ARHGAP35: variants seen among roughly 807,000 people sequenced by gnomAD.
ARHGAP35 encodes the protein rho GTPase-activating protein 35.
Under a neutral mutation model 111.1 loss-of-function variants are expected in ARHGAP35, and 15 were observed. The observed-to-expected ratio is 0.13, with a 90% CI of 0.09 to 0.21. The LOEUF (loss-of-function observed/expected upper bound fraction) is 0.21, where lower values mean the gene tolerates loss of function less well. ARHGAP35 is among the 10% of genes least tolerant of loss of function. The probability of loss-of-function intolerance (pLI) is 1.00; values close to 1 mark genes in which losing one functional copy is unlikely to be tolerated. For missense variants in ARHGAP35, 1,262 were observed against 1,873.0 expected, an observed-to-expected ratio of 0.67 and a Z score of 6.02; for synonymous variants, 643 against 710.3, an observed-to-expected ratio of 0.91 and a Z score of 1.51.
chr19:46,867,564 G>A (rs1350641401), intron 1 of ARHGAP35, among the ~76,000 whole-genome samples: 2 of 152,088 alleles, frequency 1.3e-5, no homozygotes, highest in East Asian at 1.9e-4. Flanking sequence ...ATACTAGTTG[G>A]TTCCCATTCT....
rs552603793 is a variant in ARHGAP35 at position 46,961,487 on chromosome 19, G to A, written c.3826+24079G>A. On this transcript the variant is annotated intron_variant, in intron 3 of 6. Transcript: ENST00000672722. Reference sequence around the variant, plus strand: ...AAAATGGTAATATGTTAGAATTGCAGCTGCCTTACAGTCATCCAGTCCACC... The same window carrying A: ...AAAATGGTAATATGTTAGAATTGCAACTGCCTTACAGTCATCCAGTCCACC... Among the ~76,000 whole-genome samples the A allele has an allele frequency of 7.2e-5, 11 of 152,326 alleles. No homozygotes were observed. In the South Asian group the frequency reaches 2.3e-3, roughly 32 times the overall value.
chr19:46,893,381 G>C (rs898372873), intron 1 of ARHGAP35, among the ~76,000 whole-genome samples: 1 of 152,032 alleles, frequency 6.6e-6, no homozygotes, highest in Non-Finnish European at 1.5e-5. Flanking sequence ...CGTATACCAG[G>C]TACTACTCTA....
Position 46,886,620 on chromosome 19 carries a change from G to A in ARHGAP35, c.-189+25411G>A, listed in dbSNP as rs137987331. ...TCACCCTTGATTCTAGGGATCGGGC[G>A]TTACTCAAGGTTGTTGTAGATTTGG... On this transcript the variant is annotated intron_variant, in intron 1 of 6. Transcript: ENST00000672722. 5.9e-5 allele frequency among the ~76,000 whole-genome samples: 9 copies of A among 152,274 alleles called. No homozygotes were observed. The East Asian group carries it at 1.3e-3, about 23-fold the overall frequency.
chr19:46,960,287 C>G (rs1354032936), intron 3 of ARHGAP35, among the ~76,000 whole-genome samples: 1 of 152,130 alleles, frequency 6.6e-6, no homozygotes, highest in Non-Finnish European at 1.5e-5. Context: ...GTATACGTAT[C>G]ACTCTGCTAA....
intron 1 of ARHGAP35, among the ~76,000 whole-genome samples, chr19:46,892,138 A>AT (rs1432746625): frequency 6.7e-6 from 1 of 149,938 alleles, no homozygotes; most frequent in African/African-American, 2.4e-5. Context: ...AAAAAAAAAA[A>AT]AAAAAAAAAG....
Position 46,982,633 on chromosome 19 carries a change from A to G in ARHGAP35, c.3827-5356A>G, listed in dbSNP as rs79988954. Among the ~76,000 whole-genome samples, 8 of 152,248 alleles carry G rather than the reference A, an allele frequency of 5.3e-5. No homozygotes were observed. In the East Asian group the frequency reaches 1.5e-3, roughly 29 times the overall value. Reference sequence around the variant, plus strand: ...ATTTTATTGAATCATAGAATTCAAGAGTTCTGACTAAGACTTCTCTGGAGC... The same window carrying G: ...ATTTTATTGAATCATAGAATTCAAGGGTTCTGACTAAGACTTCTCTGGAGC... On this transcript the variant is annotated intron_variant, in intron 3 of 6. Transcript: ENST00000672722.
chr19:46,904,058 C>T (rs1297121376), intron 1 of ARHGAP35, among the ~76,000 whole-genome samples: 1 of 151,868 alleles, frequency 6.6e-6, no homozygotes, highest in East Asian at 1.9e-4. Context: ...CTTTTTTGTC[C>T]CCTTCCCAGT....
intron 3 of ARHGAP35, among the ~76,000 whole-genome samples, chr19:46,987,166 C>T (rs1000136316): frequency 4.1e-5 from 6 of 147,696 alleles, no homozygotes; most frequent in Non-Finnish European, 6.0e-5. Flanking sequence ...AGTTAATTTT[C>T]TAACAGTAAA....
At position 46,994,095 on chromosome 19, in the gene ARHGAP35, A is replaced by T. The variant is rs1167245351; in HGVS notation, c.4036+4420A>T. On this transcript the variant is annotated intron_variant, in intron 5 of 6. Coordinates refer to ENST00000672722, the MANE Select transcript of ARHGAP35 (RefSeq NM_004491.5). The surrounding 1 kb of genome is among the most constrained non-coding windows in gnomAD (Gnocchi z 5.4). ...TGGACGAGCGGACCTGGGAATCCAC[A>T]AACCAGCACACGCCAGGTGTGGGGA... 6.6e-6 allele frequency among the ~76,000 whole-genome samples: 1 copy of T among 152,124 alleles called. No homozygotes were observed. Among genetic ancestry groups the T allele is most frequent in the Non-Finnish European group, 1.5e-5 (1 of 68,016 alleles).
At chr19:46,933,268 C>T (rs1331822371) in intron 2 of ARHGAP35, among the ~76,000 whole-genome samples, 3 of 151,330 alleles carry the variant, frequency 2.0e-5, no homozygotes, top group South Asian at 2.1e-4. Context: ...TGCAGCCTCT[C>T]GAGTTGCTGG....
At position 46,864,347 on chromosome 19, in the gene ARHGAP35, T is replaced by C. The variant is rs559505539; in HGVS notation, c.-189+3138T>C. ...TCCTTAACTTGGGAAAGGGGATCTT[T>C]TGCATGTTCTAGGTTTATTTATTTT... On this transcript the variant is annotated intron_variant, in intron 1 of 6. Transcript: ENST00000672722. Among the ~76,000 whole-genome samples, 10 of 152,332 alleles carry C rather than the reference T, an allele frequency of 6.6e-5. No homozygotes were observed. The South Asian group carries it at 2.1e-3, about 32-fold the overall frequency.
intron 1 of ARHGAP35, among the ~76,000 whole-genome samples, chr19:46,868,390 G>A (rs2055869727): frequency 1.3e-5 from 2 of 152,222 alleles, no homozygotes; most frequent in South Asian, 4.1e-4. Context: ...TATATAGGGT[G>A]AAGGGAAGTA....
At position 46,920,893 on chromosome 19, in the gene ARHGAP35, A is replaced by G; in HGVS notation, c.2218A>G (p.Ile740Val). 1.2e-6 allele frequency: 2 copies of G among 1,613,990 alleles called. No individual in the cohort carries two copies. The highest frequency in any genetic ancestry group is 1.7e-6 in the Non-Finnish European group (2 of 1,179,874). The change falls in exon 2 of 7, where the codon ATT (isoleucine) becomes GTT (valine). Residue 740 changes from isoleucine (I) to valine (V), a missense_variant. Ile to Val is a conservative substitution (Grantham distance 29, BLOSUM62 3). Around this residue, in one of 8 missense-constraint regions of ARHGAP35, gnomAD observed 579 missense variants for 716.9 expected, o/e 0.81. Coordinates refer to ENST00000672722, the MANE Select transcript of ARHGAP35 (RefSeq NM_004491.5). The surrounding 1 kb of genome is among the most constrained non-coding windows in gnomAD (Gnocchi z 7.0). ...CTTTCTCGACCCTGCTTCTGCTGGC[A>G]TTGGTTACGGACGCAACATTAATGA... ...CVFLDPASAGIGYGRNINEKQ... is the reference protein window; with the variant it reads ...CVFLDPASAGVGYGRNINEKQ...
At chr19:46,865,943 C>T (rs1398230995) in intron 1 of ARHGAP35, among the ~76,000 whole-genome samples, 1 of 152,126 alleles carries the variant, frequency 6.6e-6, no homozygotes, top group Non-Finnish European at 1.5e-5. Context: ...TGGGTTCAAG[C>T]GATTCTTCTG....
At chr19:46,867,633 A>C (rs1432534452) in intron 1 of ARHGAP35, among the ~76,000 whole-genome samples, 6 of 151,932 alleles carry the variant, frequency 3.9e-5, no homozygotes, top group Non-Finnish European at 5.9e-5. Flanking sequence ...TAGACAGTAA[A>C]CTCCTGAGGA....
intron 3 of ARHGAP35, among the ~76,000 whole-genome samples, chr19:46,959,674 A>T (rs2122266179): frequency 6.8e-6 from 1 of 146,498 alleles, no homozygotes; most frequent in East Asian, 2.0e-4. Context: ...TGCTGGGATT[A>T]CAGGCGTGAG....
intron 3 of ARHGAP35, among the ~76,000 whole-genome samples, chr19:46,969,936 T>G (rs1375740759): frequency 1.3e-5 from 2 of 152,196 alleles, no homozygotes; most frequent in African/African-American, 2.4e-5. Flanking sequence ...ACACCACCAC[T>G]GCCACCACGC....
At chr19:46,863,052 CTT>C (rs75493734) in intron 1 of ARHGAP35, among the ~76,000 whole-genome samples, 5 of 144,344 alleles carry the variant, frequency 3.5e-5, no homozygotes, top group Non-Finnish European at 4.6e-5. Flanking sequence ...CCTTCCTCAC[CTT>C]TTTTTTTTTT....
chr19:46,910,710 C>T (rs1457754232), intron 1 of ARHGAP35, among the ~76,000 whole-genome samples: 2 of 152,136 alleles, frequency 1.3e-5, no homozygotes, highest in African/African-American at 4.8e-5. Context: ...CCACTTCAGC[C>T]TCCCCGGTAG....
Sources: allele counts gnomAD v4.1 joint callset (sites outside exome capture counted in the v4.1 genomes callset), GRCh38; gene constraint gnomAD v4.1.1; regional missense constraint gnomAD v4.1.1; non-coding constraint Gnocchi (gnomAD v3.1); transcripts MANE v1.5; gene names NCBI Gene and HGNC (gene_info 2026-07-23, HGNC 2026-07-21).